Variants in GJC1 observed in about 807,000 individuals in gnomAD.
The protein encoded by GJC1 is gap junction gamma-1 protein.
Under a neutral mutation model 29.3 loss-of-function variants are expected in GJC1, and 5 were observed. The ratio of observed to expected loss-of-function variants is 0.17; its 90% CI spans 0.09 to 0.36. GJC1 has a LOEUF of 0.36. Ranked by LOEUF, GJC1 falls within the 10% of genes least tolerant of loss-of-function variation. GJC1 has a pLI of 1.00. For synonymous variants in GJC1, 177 were observed against 183.3 expected (o/e 0.97, Z 0.28); for missense variants, 310 against 496.2 (o/e 0.62, Z 3.56).
rs1031217489 is a variant in GJC1, at chr17:44,798,570, G to A, written c.*6057C>T. 6.6e-6 allele frequency: 1 copy of A among 152,218 alleles called. No individual in the cohort carries two copies. The highest frequency in any genetic ancestry group is 2.4e-5 in the African/African-American group (1 of 41,448). The allele number at this position is 152,218 out of a possible 1,614,324, so 9.4% of individuals were successfully genotyped here. A position where few individuals can be genotyped will look rare whatever the true frequency, so the allele number is the denominator to read the frequency against. On this transcript the variant is annotated 3_prime_UTR_variant, in exon 3 of 3. Coordinates refer to ENST00000592524, the MANE Select transcript of GJC1 (RefSeq NM_005497.4). Reference sequence around the variant, plus strand: ...CTGTACAGAACAAAATTAGCAATGAGTGATCTTTGGCACTAGAACAGGTGA... The same window carrying A: ...CTGTACAGAACAAAATTAGCAATGAATGATCTTTGGCACTAGAACAGGTGA...
Position 44,804,377 on chromosome 17 carries a change from C to T in GJC1, c.*250G>A, listed in dbSNP as rs755952077. ...ATGATTTAAATATGTCTGTTCTTCTCCAGATCTGGAAGACACAAATGTAAA... is the reference window on the plus strand; with the variant it reads ...ATGATTTAAATATGTCTGTTCTTCTTCAGATCTGGAAGACACAAATGTAAA... On this transcript the variant is annotated 3_prime_UTR_variant, in exon 3 of 3. Coordinates refer to ENST00000592524, the MANE Select transcript of GJC1 (RefSeq NM_005497.4). 4.4e-6 allele frequency: 2 copies of T among 453,974 alleles called. No homozygotes were observed. Among genetic ancestry groups the T allele is most frequent in the East Asian group, 6.9e-5 (2 of 28,984 alleles). 28.1% of individuals were successfully genotyped at this position (453,974 alleles called of 1,614,324 possible).
intron 1 of GJC1, among the ~76,000 whole-genome samples, chr17:44,808,528 A>G (rs941746015): frequency 6.6e-6 from 1 of 151,728 alleles, no homozygotes; most frequent in Non-Finnish European, 1.5e-5. Context: ...AGGTGGGGGG[A>G]TCACATGAGT....
chr17:44,828,661 T>C (rs2050199894), intron 1 of GJC1, among the ~76,000 whole-genome samples: 1 of 152,220 alleles, frequency 6.6e-6, no homozygotes, highest in Admixed American at 6.5e-5. Flanking sequence ...ACTTAAGACA[T>C]TCAAAGCAAC....
Position 44,814,356 on chromosome 17 carries a change from G to A in GJC1, c.-96-6887C>T, listed in dbSNP as rs539128498. On this transcript the variant is annotated intron_variant, in intron 1 of 2. Transcript: ENST00000592524. ...GGGGTTTCACCATGTTAGCCAGGATGGTCTTGATCTCCTGACCTCGTGATC... is the reference window on the plus strand; with the variant it reads ...GGGGTTTCACCATGTTAGCCAGGATAGTCTTGATCTCCTGACCTCGTGATC... Among the ~76,000 whole-genome samples the A allele has an allele frequency of 1.5e-4, 23 of 151,350 alleles. No homozygotes were observed. In the South Asian group the frequency reaches 4.8e-3, roughly 32 times the overall value.
intron 1 of GJC1, among the ~76,000 whole-genome samples, chr17:44,808,416 C>T (rs1191367192): frequency 7.1e-6 from 1 of 140,122 alleles, no homozygotes; most frequent in African/African-American, 2.6e-5. Context: ...GATAGAACAA[C>T]ACCCTGTCTC....
intron 1 of GJC1, among the ~76,000 whole-genome samples, chr17:44,808,134 C>T (rs538533155): frequency 2.6e-5 from 4 of 151,974 alleles, no homozygotes; most frequent in African/African-American, 4.8e-5. Context: ...AAGGCGCCCA[C>T]ATTTAGCAAA....
At chr17:44,823,229 C>T (rs377504242) in intron 1 of GJC1, among the ~76,000 whole-genome samples, 1 of 149,044 alleles carries the variant, frequency 6.7e-6, no homozygotes, top group African/African-American at 2.5e-5. Context: ...TACTCTGAAA[C>T]CCTATGCATT....
At chr17:44,798,020 G>A (rs555451436), downstream of GJC1, among the ~76,000 whole-genome samples, 1 of 152,290 alleles carries the variant, frequency 6.6e-6, no homozygotes, top group African/African-American at 2.4e-5. Context: ...GCCGCAAAGG[G>A]TCCCTTGCAG....
chr17:44,817,008 C>T (rs903685809), intron 1 of GJC1, among the ~76,000 whole-genome samples: 3 of 151,458 alleles, frequency 2.0e-5, no homozygotes, highest in East Asian at 2.0e-4. Context: ...GTCAGGAGTT[C>T]GAGACCAGCC....
At position 44,805,412 on chromosome 17, in the gene GJC1, C is replaced by G; in HGVS notation, c.406G>C (p.Glu136Gln). The G allele has an allele frequency of 6.2e-7, 1 of 1,614,214 alleles. No homozygotes were observed. The highest frequency in any genetic ancestry group is 2.2e-5 in the East Asian group (1 of 44,886). Residue 136 changes from glutamate (E) to glutamine (Q), a missense_variant, in exon 3 of 3, where the codon GAG becomes CAG. Glu to Gln is a conservative substitution (Grantham distance 29). Transcript: ENST00000592524. This position sits in a 1 kb window ranked among gnomAD's most constrained non-coding sequence, Gnocchi z 5.1. ...ALEETEEDNEEDPMMYPEMEL... is the reference protein window; with the variant it reads ...ALEETEEDNEQDPMMYPEMEL... ...ATCTCTGGATACATCATAGGATCCT[C>G]TTCGTTGTCCTCCTCCGTTTCTTCC...
At chr17:44,827,644 A>G (rs901031761) in intron 1 of GJC1, among the ~76,000 whole-genome samples, 2 of 151,988 alleles carry the variant, frequency 1.3e-5, no homozygotes, top group African/African-American at 2.4e-5. Context: ...TTGAAAAAAA[A>G]AAGGATGGCC....
At position 44,828,603 on chromosome 17, in the gene GJC1, C is replaced by T. The variant is rs568021798; in HGVS notation, c.-97+1459G>A. Among the ~76,000 whole-genome samples the T allele has an allele frequency of 5.2e-4, 79 of 152,230 alleles. No homozygotes were observed. The South Asian group carries it at 0.016, about 31-fold the overall frequency. ...AGATCTGTTTATTGGAGCTTTTTAC[C>T]TTCTACCCAGAAAAGTTAGTTCGTG... On this transcript the variant is annotated intron_variant, in intron 1 of 2. Transcript: ENST00000592524.
chr17:44,822,413 G>A (rs1313820934), intron 1 of GJC1, among the ~76,000 whole-genome samples: 7 of 151,332 alleles, frequency 4.6e-5, no homozygotes, highest in Non-Finnish European at 7.4e-5. Flanking sequence ...AGGCCGAGGC[G>A]GGTGGATCAC....
downstream of GJC1, among the ~76,000 whole-genome samples, chr17:44,796,282 C>A (rs1458612839): frequency 4.6e-5 from 7 of 152,210 alleles, no homozygotes; most frequent in Non-Finnish European, 1.0e-4. Context: ...CTCTTCCCTT[C>A]CCAGCACTCC....
At chr17:44,830,746 T>C, upstream of GJC1, 1 of 398,686 alleles carries the variant, frequency 2.5e-6, no homozygotes, top group Non-Finnish European at 4.4e-6. This position sits in a 1 kb window ranked among gnomAD's most constrained non-coding sequence, Gnocchi z 4.3. Flanking sequence ...CAGGTTCTGC[T>C]CTACAATTCC....
At chr17:44,812,008 C>CA (rs1567710167) in intron 1 of GJC1, among the ~76,000 whole-genome samples, 1 of 147,116 alleles carries the variant, frequency 6.8e-6, no homozygotes, top group South Asian at 2.2e-4. Flanking sequence ...AAAAAAAAAA[C>CA]AAAAAACAAA....
At chr17:44,818,576 C>G (rs187339756) in intron 1 of GJC1, among the ~76,000 whole-genome samples, 1 of 148,374 alleles carries the variant, frequency 6.7e-6, no homozygotes, top group African/African-American at 2.5e-5. Flanking sequence ...GAGGCTGAGG[C>G]GGGCGGATCC....
intron 1 of GJC1, among the ~76,000 whole-genome samples, chr17:44,810,953 T>C (rs1005677775): frequency 2.0e-5 from 3 of 152,088 alleles, no homozygotes; most frequent in South Asian, 2.1e-4. Context: ...AATTTCTGTA[T>C]AGATGAGGTT....
rs952755499 is a variant in GJC1 at position 44,801,930 on chromosome 17, A to G, written c.*2697T>C. The G allele has an allele frequency of 9.9e-5, 15 of 152,144 alleles. No homozygotes were observed. Among genetic ancestry groups the G allele is most frequent in the Non-Finnish European group, 5.9e-5 (4 of 68,044 alleles). 9.4% of individuals were successfully genotyped at this position (152,144 alleles called of 1,614,324 possible). ...CATTTTCTTAATGTAAGTCCACAATATGTCATTAGGGGAGAATGACTTTGG... is the reference window on the plus strand; with the variant it reads ...CATTTTCTTAATGTAAGTCCACAATGTGTCATTAGGGGAGAATGACTTTGG... On this transcript the variant is annotated 3_prime_UTR_variant, in exon 3 of 3. Transcript: ENST00000592524.
Sources: gnomAD v4.1 joint callset for allele counts (sites outside exome capture counted in the v4.1 genomes callset) on GRCh38, gnomAD v4.1.1 for gene constraint, Gnocchi (gnomAD v3.1) non-coding constraint, MANE v1.5 for transcripts, NCBI Gene and HGNC (gene_info 2026-07-23, HGNC 2026-07-21) for gene names.